The following PDE4D variants were observed in gnomAD, a reference collection of about 807,000 sequenced individuals.
PDE4D encodes phosphodiesterase 4D.
In PDE4D, 24 loss-of-function variants were observed where a neutral mutation model predicts 87.4. The ratio of observed to expected loss-of-function variants is 0.27; its 90% confidence interval spans 0.20 to 0.39. PDE4D has a LOEUF of 0.39. Ranked by LOEUF, PDE4D falls within the 10% of genes least tolerant of loss-of-function variation. The pLI, the probability that PDE4D is intolerant of heterozygous loss-of-function variation, is 1.00. For synonymous variants in PDE4D, 384 were observed against 383.2 expected (o/e 1.00, Z -0.02); for missense variants, 714 against 1,041.0 (o/e 0.69, Z 4.32).
At chr5:60,111,739 A>G (rs370445520) in intron 2 of PDE4D, among the ~76,000 whole-genome samples, 1 of 151,988 alleles carries the variant, frequency 6.6e-6, no homozygotes, top group African/African-American at 2.4e-5. Context: ...GTTTTCTACA[A>G]AGACATATAA....
intron 1 of PDE4D, among the ~76,000 whole-genome samples, chr5:59,324,158 C>G (rs983453651): frequency 6.6e-5 from 10 of 152,152 alleles, no homozygotes; most frequent in African/African-American, 2.2e-4. Context: ...TTCCTCTCTC[C>G]CTCTTGCTCA....
At chr5:60,073,456 T>C (rs751519189) in intron 2 of PDE4D, among the ~76,000 whole-genome samples, 3 of 151,710 alleles carry the variant, frequency 2.0e-5, no homozygotes, top group Non-Finnish European at 4.4e-5. Context: ...TCAAGAATGC[T>C]AGCCTGAAGT....
intron 1 of PDE4D, among the ~76,000 whole-genome samples, chr5:59,456,724 C>G (rs1799983564): frequency 6.6e-6 from 1 of 152,058 alleles, no homozygotes; most frequent in African/African-American, 2.4e-5. Context: ...TAAGAACATT[C>G]ATGATTCATG....
chr5:60,269,662 T>G (rs972155114), intron 1 of PDE4D, among the ~76,000 whole-genome samples: 1 of 152,204 alleles, frequency 6.6e-6, no homozygotes, highest in African/African-American at 2.4e-5. Flanking sequence ...ATTAATAAAA[T>G]GTATTGGACA....
intron 1 of PDE4D, among the ~76,000 whole-genome samples, chr5:60,317,549 T>C (rs1420304601): frequency 6.6e-6 from 1 of 152,260 alleles, no homozygotes; most frequent in Admixed American, 6.5e-5. Context: ...GTGTTTGCTC[T>C]TGCTTCTCTA....
At chr5:59,848,714 G>T (rs879350094) in intron 1 of PDE4D, among the ~76,000 whole-genome samples, 6 of 151,940 alleles carry the variant, frequency 3.9e-5, no homozygotes, top group Admixed American at 2.0e-4. Context: ...GGCTAATATA[G>T]GAAGTATTTT....
intron 11 of PDE4D, among the ~76,000 whole-genome samples, chr5:58,986,592 A>G (rs1288471518): frequency 6.6e-6 from 1 of 152,194 alleles, no homozygotes; most frequent in Non-Finnish European, 1.5e-5. Context: ...CTGCTCATGC[A>G]AGGGATCTAG....
chr5:60,028,063 T>C (rs1766827034), intron 2 of PDE4D, among the ~76,000 whole-genome samples: 1 of 152,156 alleles, frequency 6.6e-6, no homozygotes, highest in Admixed American at 6.5e-5. Context: ...ATTTCACTTC[T>C]CCATTTGCTA....
At chr5:59,377,876 T>A (rs1784995476) in intron 1 of PDE4D, among the ~76,000 whole-genome samples, 1 of 152,088 alleles carries the variant, frequency 6.6e-6, no homozygotes. Flanking sequence ...GTGTGGCAAT[T>A]CCTCAAAGAC....
chr5:60,238,019 G>C (rs1393320893), intron 1 of PDE4D, among the ~76,000 whole-genome samples: 3 of 151,862 alleles, frequency 2.0e-5, no homozygotes, highest in Admixed American at 6.6e-5. Flanking sequence ...TACAATTGGT[G>C]TTTAGGATTT....
At chr5:60,235,534 C>T (rs1397809681) in intron 1 of PDE4D, among the ~76,000 whole-genome samples, 1 of 151,716 alleles carries the variant, frequency 6.6e-6, no homozygotes, top group African/African-American at 2.4e-5. Flanking sequence ...AGCCTAGATC[C>T]CGCTCCACAT....
chr5:60,129,795 T>A (rs1302303474), intron 2 of PDE4D, among the ~76,000 whole-genome samples: 1 of 152,186 alleles, frequency 6.6e-6, no homozygotes, highest in Non-Finnish European at 1.5e-5. Context: ...GACTTTCTTT[T>A]TTATTGTGTC....
chr5:60,496,981 T>C (rs1383565837), intron 1 of PDE4D, among the ~76,000 whole-genome samples: 1 of 152,238 alleles, frequency 6.6e-6, no homozygotes, highest in Non-Finnish European at 1.5e-5. Context: ...AGTAGGTATT[T>C]ATCATAATTT....
intron 1 of PDE4D, among the ~76,000 whole-genome samples, chr5:59,557,427 A>C (rs373233424): frequency 6.6e-6 from 1 of 151,736 alleles, no homozygotes; most frequent in Non-Finnish European, 1.5e-5. Flanking sequence ...TAGAATCTTT[A>C]TATGCCACCC....
chr5:59,133,530 A>C (rs528399162), intron 5 of PDE4D, among the ~76,000 whole-genome samples: 3 of 152,294 alleles, frequency 2.0e-5, no homozygotes, highest in Non-Finnish European at 4.4e-5. Flanking sequence ...CAAAAGCTTA[A>C]TTTAATAAAT....
intron 1 of PDE4D, among the ~76,000 whole-genome samples, chr5:59,768,059 A>G (rs1202370905): frequency 6.6e-6 from 1 of 152,188 alleles, no homozygotes; most frequent in African/African-American, 2.4e-5. Flanking sequence ...TCCTAGTACC[A>G]GTCTCCAGGA....
intron 1 of PDE4D, among the ~76,000 whole-genome samples, chr5:59,394,764 C>G (rs1409866632): frequency 1.3e-5 from 2 of 152,186 alleles, no homozygotes; most frequent in African/African-American, 4.8e-5. Flanking sequence ...CGGTCTACAG[C>G]TCCCAGCCTG....
chr5:59,490,637 C>T (rs1440989047), intron 1 of PDE4D, among the ~76,000 whole-genome samples: 1 of 152,156 alleles, frequency 6.6e-6, no homozygotes, highest in African/African-American at 2.4e-5. Context: ...CATCTTTGTG[C>T]ATCCCTTCAG....
chr5:59,084,006 C>T (rs16889181), intron 5 of PDE4D, among the ~76,000 whole-genome samples: 6,850 of 151,872 alleles, frequency 0.045, 525 homozygotes, highest in African/African-American at 0.16. Flanking sequence ...GGGGACTTGA[C>T]AAGTAGATTG....
Sources: gnomAD v4.1 joint callset for allele counts (sites outside exome capture counted in the v4.1 genomes callset) on GRCh38, gnomAD v4.1.1 for gene constraint, MANE v1.5 for transcripts, NCBI Gene and HGNC (gene_info 2026-07-23, HGNC 2026-07-21) for gene names.